Variants in SGCD observed in about 807,000 individuals in gnomAD.
SGCD encodes delta-sarcoglycan.
SGCD carries 18 observed loss-of-function variants against 36.6 expected under a neutral mutation model. The observed-to-expected ratio is 0.49, with a 90% confidence interval of 0.34 to 0.73. The LOEUF is 0.73. Among genes scored for constraint, SGCD ranks in the 30% least tolerant of loss-of-function variants. The pLI is 0.01. For synonymous variants in SGCD, 133 were observed against 130.6 expected (o/e 1.02, Z -0.12); for missense variants, 387 against 346.7 (o/e 1.12, Z -0.92).
At chr5:156,409,958 G>T (rs2127768774) in intron 3 of SGCD, among the ~76,000 whole-genome samples, 1 of 152,080 alleles carries the variant, frequency 6.6e-6, no homozygotes, top group Admixed American at 6.6e-5. Context: ...TATTACCACT[G>T]CATAGTTGGG....
chr5:156,192,922 G>A (rs376903945), intron 3 of SGCD, among the ~76,000 whole-genome samples: 9 of 126,814 alleles, frequency 7.1e-5, no homozygotes, highest in African/African-American at 6.3e-5. Flanking sequence ...CTCTGTCATT[G>A]TAAAAGCAAC....
At position 156,008,500 on chromosome 5, in the gene SGCD, T is replaced by A. The variant is rs555037079; in HGVS notation, c.-281-109378T>A. 2.0e-5 allele frequency among the ~76,000 whole-genome samples: 3 copies of A among 152,296 alleles called. No homozygotes were observed. In the South Asian group the frequency reaches 6.2e-4, roughly 32 times the overall value. The stretch of plus-strand genomic sequence containing the variant: ...AAGTGATCCTGCCTCCTTAGCCTAT[T>A]GAGTTCCTAGGACTATAGGCATGGA... On this transcript the variant is annotated intron_variant, in intron 1 of 9. Coordinates refer to the SGCD transcript ENST00000517913.
chr5:156,415,355 A>G (rs1213778247), intron 3 of SGCD, among the ~76,000 whole-genome samples: 2 of 152,220 alleles, frequency 1.3e-5, no homozygotes, highest in Non-Finnish European at 2.9e-5. Context: ...TATGGCATTA[A>G]TAAACACAAA....
intron 6 of SGCD, among the ~76,000 whole-genome samples, chr5:156,599,006 G>A (rs1761054894): frequency 6.6e-6 from 1 of 152,162 alleles, no homozygotes; most frequent in Non-Finnish European, 1.5e-5. Flanking sequence ...ATGTAGAAAG[G>A]AAGCATCAAA....
intron 3 of SGCD, among the ~76,000 whole-genome samples, chr5:156,273,517 C>G (rs543445704): frequency 6.6e-6 from 1 of 152,176 alleles, no homozygotes; most frequent in African/African-American, 2.4e-5. Flanking sequence ...ACTTTCTAAT[C>G]GGGCTCTGCT....
chr5:156,728,813 A>G (rs1035521566), intron 7 of SGCD, among the ~76,000 whole-genome samples: 2 of 152,188 alleles, frequency 1.3e-5, no homozygotes, highest in Non-Finnish European at 2.9e-5. Context: ...CTGAGTTGCA[A>G]AAACATCACT....
chr5:155,934,126 C>G (rs1343286766), intron 1 of SGCD, among the ~76,000 whole-genome samples: 1 of 152,158 alleles, frequency 6.6e-6, no homozygotes, highest in Non-Finnish European at 1.5e-5. Context: ...ATTGACAATC[C>G]TATCAAGACA....
chr5:156,006,504 A>G (rs1256803870), intron 1 of SGCD, among the ~76,000 whole-genome samples: 1 of 152,238 alleles, frequency 6.6e-6, no homozygotes, highest in African/African-American at 2.4e-5. Context: ...ATGAAACTGC[A>G]ACACGTTACT....
intron 7 of SGCD, among the ~76,000 whole-genome samples, chr5:156,672,228 G>A (rs949332012): frequency 6.6e-6 from 1 of 152,112 alleles, no homozygotes; most frequent in Non-Finnish European, 1.5e-5. Flanking sequence ...GAGTGTTGGA[G>A]GTTTCACTCT....
chr5:156,018,924 C>G (rs1293232631), intron 1 of SGCD, among the ~76,000 whole-genome samples: 1 of 152,094 alleles, frequency 6.6e-6, no homozygotes, highest in Admixed American at 6.5e-5. Flanking sequence ...AAATTTTAAC[C>G]ATGTAATTTT....
chr5:155,833,068 A>AG, the SGCD span, among the ~76,000 whole-genome samples: 423 of 142,652 alleles, frequency 3.0e-3, 7 homozygotes, highest in East Asian at 9.2e-3. Flanking sequence ...AAAAAAAAAA[A>AG]AAAGAAAAAA....
intron 1 of SGCD, among the ~76,000 whole-genome samples, chr5:156,327,622 G>C (rs577857074): frequency 3.9e-5 from 6 of 152,144 alleles, no homozygotes; most frequent in African/African-American, 7.2e-5. Flanking sequence ...GCTTCACTTC[G>C]CAAGAGTTTT....
At chr5:155,746,880 C>T in the SGCD span, among the ~76,000 whole-genome samples, 2 of 152,186 alleles carry the variant, frequency 1.3e-5, no homozygotes, top group Non-Finnish European at 2.9e-5. Context: ...TAGCTGGCCA[C>T]ATTCTGACAG....
intron 3 of SGCD, among the ~76,000 whole-genome samples, chr5:156,210,984 C>T (rs1250007223): frequency 1.3e-5 from 2 of 152,090 alleles, no homozygotes; most frequent in Non-Finnish European, 1.5e-5. Context: ...TCATGCCAGA[C>T]TACACCAAGA....
chr5:156,328,114 A>G (rs574512820), intron 1 of SGCD, among the ~76,000 whole-genome samples: 1 of 152,240 alleles, frequency 6.6e-6, no homozygotes, highest in Non-Finnish European at 1.5e-5. Context: ...TTTCAGCACA[A>G]CAGGGATCTT....
Position 156,468,862 on chromosome 5 carries a change from C to T in SGCD, c.193-39739C>T, listed in dbSNP as rs538314814. ...AAAAAACTAGCCAGGCGTGATGGCA[C>T]ATGCCCGTAATCCCAACTACTCAGG... On this transcript the variant is annotated intron_variant, in intron 3 of 8. Transcript: ENST00000337851. Among the ~76,000 whole-genome samples the T allele has an allele frequency of 1.8e-4, 28 of 152,248 alleles. No homozygotes were observed. The South Asian group carries it at 5.8e-3, about 32-fold the overall frequency.
chr5:155,873,480 A>G (rs1755702762), intron 1 of SGCD, among the ~76,000 whole-genome samples: 1 of 152,158 alleles, frequency 6.6e-6, no homozygotes, highest in Admixed American at 6.5e-5. Context: ...TAATGTGTAC[A>G]CATGGACACA....
chr5:156,041,029 G>C (rs1027209645), intron 1 of SGCD, among the ~76,000 whole-genome samples: 1 of 152,212 alleles, frequency 6.6e-6, no homozygotes, highest in Non-Finnish European at 1.5e-5. Flanking sequence ...GTGATGTTCT[G>C]TGTTTCCTTC....
At chr5:156,734,158 T>TGAA (rs1403610941) in intron 7 of SGCD, among the ~76,000 whole-genome samples, 6 of 152,188 alleles carry the variant, frequency 3.9e-5, no homozygotes, top group African/African-American at 1.4e-4. Flanking sequence ...CCTTGTCTTA[T>TGAA]GAAGAATTCT....
Sources: gnomAD v4.1 joint callset for allele counts (sites outside exome capture counted in the v4.1 genomes callset) on GRCh38, gnomAD v4.1.1 for gene constraint, MANE v1.5 for transcripts, NCBI Gene and HGNC (gene_info 2026-07-23, HGNC 2026-07-21) for gene names.